The following CPLX2 variants were observed in gnomAD, a reference collection of about 807,000 sequenced individuals.
The protein encoded by CPLX2 is complexin-2.
CPLX2 carries 5 observed loss-of-function variants against 16.3 expected under a neutral mutation model. That is an observed-to-expected ratio of 0.31 (90% CI 0.16 to 0.64). The LOEUF (loss-of-function observed/expected upper bound fraction) is 0.64, where lower values mean the gene tolerates loss of function less well. Among genes scored for constraint, CPLX2 ranks in the 30% least tolerant of loss-of-function variants. The pLI is 0.79. For synonymous variants in CPLX2, 89 were observed against 73.2 expected (o/e 1.22, Z -1.10); for missense variants, 144 against 181.4 (o/e 0.79, Z 1.18).
At position 175,872,893 on chromosome 5, in the gene CPLX2, C is replaced by T. The variant is rs1011649414; in HGVS notation, c.-89+1188C>T. 6.6e-6 allele frequency: 1 copy of T among 152,344 alleles called. No individual in the cohort carries two copies. Among genetic ancestry groups the T allele is most frequent in the Admixed American group, 6.5e-5 (1 of 15,312 alleles). The allele number at this position is 152,344 out of a possible 1,614,324, so 9.4% of individuals were successfully genotyped here. On this transcript the variant is annotated intron_variant, in intron 1 of 3. Coordinates refer to ENST00000393745, the MANE Select transcript of CPLX2 (RefSeq NM_001008220.2). The surrounding 1 kb of genome is among the most constrained non-coding windows in gnomAD (Gnocchi z 5.0). ...AGTCAGCCTGTCAGATGGCGGGGCC[C>T]AGTCCCGAAAACCTCTAGGGGCTCA...
chr5:175,854,927 C>A (rs1759225247), intron 2 of CPLX2, among the ~76,000 whole-genome samples: 1 of 152,240 alleles, frequency 6.6e-6, no homozygotes, highest in African/African-American at 2.4e-5. Context: ...GCAACAATGG[C>A]CAGACAGACG....
intron 1 of CPLX2, among the ~76,000 whole-genome samples, chr5:175,803,179 C>T (rs1399722010): frequency 6.6e-6 from 1 of 152,170 alleles, no homozygotes; most frequent in African/African-American, 2.4e-5. Flanking sequence ...TTAGGGTTAT[C>T]ATCCCATTTC....
intron 2 of CPLX2, among the ~76,000 whole-genome samples, chr5:175,835,893 C>T (rs114058619): frequency 0.02 from 3,029 of 151,886 alleles, 46 homozygotes; most frequent in Non-Finnish European, 0.029. Flanking sequence ...TGTGCACCAT[C>T]ACGCCTAGCT....
chr5:175,865,090 G>GCACA (rs1292335340), intron 2 of CPLX2, among the ~76,000 whole-genome samples: 21 of 151,294 alleles, frequency 1.4e-4, no homozygotes, highest in African/African-American at 4.8e-4. Flanking sequence ...GTGCGCGCGC[G>GCACA]CACACACACA....
chr5:175,847,740 G>A (rs1049986595), intron 2 of CPLX2, among the ~76,000 whole-genome samples: 3 of 152,184 alleles, frequency 2.0e-5, no homozygotes, highest in Non-Finnish European at 4.4e-5. Flanking sequence ...ACTACATGGT[G>A]CCAGTCACAA....
intron 2 of CPLX2, among the ~76,000 whole-genome samples, chr5:175,843,089 C>T (rs574738332): frequency 6.6e-6 from 1 of 152,324 alleles, no homozygotes; most frequent in South Asian, 2.1e-4. Context: ...AGTCAGCCAG[C>T]CAGTCAGGGT....
At position 175,882,106 on chromosome 5, in the gene CPLX2, C is replaced by A. The variant is rs1755626643; in HGVS notation, c.*2061C>A. ...CGACAGCTCCAGCTCCCTTGACCTA[C>A]CTTCCTCCCCGCACCCCGCCCCCAC... On this transcript the variant is annotated 3_prime_UTR_variant, in exon 4 of 4. Coordinates refer to ENST00000393745, the MANE Select transcript of CPLX2 (RefSeq NM_001008220.2). 6.5e-6 allele frequency: 1 copy of A among 152,704 alleles called. No homozygotes were observed. Among genetic ancestry groups the A allele is most frequent in the Non-Finnish European group, 1.5e-5 (1 of 68,144 alleles). The allele number at this position is 152,704 out of a possible 1,614,324, so 9.5% of individuals were successfully genotyped here.
intron 2 of CPLX2, among the ~76,000 whole-genome samples, chr5:175,811,664 C>T (rs544220396): frequency 6.6e-6 from 1 of 151,854 alleles, no homozygotes; most frequent in East Asian, 1.9e-4. Context: ...TTGGACTTAG[C>T]TAAGACCTGG....
At chr5:175,879,818 C>T in intron 3 of CPLX2, 30 bp from the exon 4 acceptor site, 1 of 1,591,658 alleles carries the variant, frequency 6.3e-7, no homozygotes, top group South Asian at 1.1e-5. Context: ...CACCCCGCTT[C>T]ATGCGCGTCT....
At chr5:175,878,044 C>A (rs1427502319) in intron 1 of CPLX2, among the ~76,000 whole-genome samples, 4 of 152,198 alleles carry the variant, frequency 2.6e-5, no homozygotes, top group Non-Finnish European at 4.4e-5. Flanking sequence ...ACGTACATTA[C>A]AATAAAAATA....
At chr5:175,804,832 G>A (rs983644291) in intron 1 of CPLX2, among the ~76,000 whole-genome samples, 1 of 152,210 alleles carries the variant, frequency 6.6e-6, no homozygotes, top group African/African-American at 2.4e-5. Context: ...AACCCTGTTA[G>A]ATTCTGACTT....
At chr5:175,867,327 C>T (rs984696076), upstream of CPLX2, among the ~76,000 whole-genome samples, 1 of 152,170 alleles carries the variant, frequency 6.6e-6, no homozygotes, top group African/African-American at 2.4e-5. Context: ...GTGGCACACT[C>T]ATATCTGCAG....
intron 2 of CPLX2, among the ~76,000 whole-genome samples, chr5:175,836,078 C>A (rs554384084): frequency 6.6e-6 from 1 of 151,332 alleles, no homozygotes; most frequent in Non-Finnish European, 1.5e-5. Context: ...AGGCCAGGCG[C>A]GGTGGCTCAC....
At chr5:175,829,309 T>C (rs1342179445) in intron 2 of CPLX2, among the ~76,000 whole-genome samples, 1 of 152,216 alleles carries the variant, frequency 6.6e-6, no homozygotes, top group East Asian at 1.9e-4. Context: ...GTAAATAAGC[T>C]GCAGAGAGGG....
At chr5:175,815,154 C>T (rs542706080) in intron 2 of CPLX2, among the ~76,000 whole-genome samples, 25 of 152,326 alleles carry the variant, frequency 1.6e-4, no homozygotes, top group African/African-American at 6.0e-4. Flanking sequence ...CCTGAATGGA[C>T]AAACGTCACC....
rs1759109732 is a variant in CPLX2 at position 175,849,398 on chromosome 5, T to C, written c.-88-29254T>C. Among the ~76,000 whole-genome samples, 2 of 152,172 alleles carry C rather than the reference T, an allele frequency of 1.3e-5. No homozygotes were observed. ...GGACTGATGTCACAAAGAACCAGAA[T>C]CTTCCTTAGGCCAAGAAACATGGAC... On this transcript the variant is annotated intron_variant, in intron 2 of 4. Transcript: ENST00000359546. The surrounding 1 kb of genome is among the most constrained non-coding windows in gnomAD (Gnocchi z 4.4).
chr5:175,866,757 A>G (rs1441689038), upstream of CPLX2, among the ~76,000 whole-genome samples: 1 of 152,098 alleles, frequency 6.6e-6, no homozygotes. Context: ...TCATATGTTG[A>G]GCCTGGTACC....
At chr5:175,806,340 A>T (rs1310246633) in intron 1 of CPLX2, among the ~76,000 whole-genome samples, 4 of 152,098 alleles carry the variant, frequency 2.6e-5, no homozygotes, top group Non-Finnish European at 4.4e-5. Context: ...GGCCTCTGCA[A>T]ATCCTTAGCT....
At chr5:175,869,870 T>C (rs777374092), upstream of CPLX2, among the ~76,000 whole-genome samples, 7 of 152,200 alleles carry the variant, frequency 4.6e-5, no homozygotes, top group Non-Finnish European at 1.0e-4. Flanking sequence ...CCCAGCTCAG[T>C]TGATGTCCAT....
Sources: gnomAD v4.1 joint callset for allele counts (sites outside exome capture counted in the v4.1 genomes callset) on GRCh38, gnomAD v4.1.1 for gene constraint, Gnocchi (gnomAD v3.1) non-coding constraint, MANE v1.5 for transcripts, NCBI Gene and HGNC (gene_info 2026-07-23, HGNC 2026-07-21) for gene names.